OTOGL: variants seen among roughly 807,000 people sequenced by gnomAD.
OTOGL encodes otogelin-like protein.
A neutral mutation model predicts 318.5 loss-of-function variants in OTOGL; 285 were observed. The ratio of observed to expected loss-of-function variants is 0.89; its 90% CI spans 0.81 to 0.99. OTOGL has a LOEUF of 0.99. Among genes scored for constraint, OTOGL ranks in the 50% least tolerant of loss-of-function variants. The pLI, the probability that OTOGL is intolerant of heterozygous loss-of-function variation, is 0.00. For missense variants in OTOGL, 2,899 were observed against 2,845.6 expected (o/e 1.02, Z -0.43); for synonymous variants, 987 against 936.5 (o/e 1.05, Z -0.99).
intron 7 of OTOGL, among the ~76,000 whole-genome samples, chr12:80,227,934 C>T (rs142675417): frequency 2.6e-5 from 4 of 152,102 alleles, no homozygotes; most frequent in Non-Finnish European, 5.9e-5. Flanking sequence ...TATCATTTAA[C>T]ATAGTATATA....
intron 23 of OTOGL, among the ~76,000 whole-genome samples, chr12:80,270,957 G>C (rs141892748): frequency 6.6e-6 from 1 of 152,034 alleles, no homozygotes; most frequent in South Asian, 2.1e-4. Flanking sequence ...TATTTGAATG[G>C]CCTGGTATAT....
chr12:80,353,035 T>C (rs1889650660), intron 45 of OTOGL, among the ~76,000 whole-genome samples: 1 of 152,252 alleles, frequency 6.6e-6, no homozygotes, highest in Non-Finnish European at 1.5e-5. Flanking sequence ...AGACTTGGGC[T>C]GCCTGTTGGT....
chr12:80,328,558 A>C (rs1947755753), intron 35 of OTOGL, 107 bp from the exon 36 acceptor site: 1 of 836,308 alleles, frequency 1.2e-6, no homozygotes, highest in Admixed American at 2.5e-5. Flanking sequence ...GGTATATAGA[A>C]GCATTTTAGG....
chr12:80,184,424 G>T (rs1875142677), intron 1 of OTOGL, among the ~76,000 whole-genome samples: 1 of 152,174 alleles, frequency 6.6e-6, no homozygotes, highest in Non-Finnish European at 1.5e-5. Flanking sequence ...GATAGTAAAA[G>T]ACGTATTTTT....
intron 1 of OTOGL, among the ~76,000 whole-genome samples, chr12:80,151,699 C>G (rs569901640): frequency 7.9e-5 from 12 of 152,196 alleles, no homozygotes; most frequent in African/African-American, 2.6e-4. Flanking sequence ...TACTCTAGAA[C>G]AGAGGGAATG....
chr12:80,345,227 T>TA (rs1555301374), intron 44 of OTOGL, among the ~76,000 whole-genome samples: 12 of 137,888 alleles, frequency 8.7e-5, no homozygotes, highest in Admixed American at 7.8e-5. Context: ...TATATATATA[T>TA]TATATATATA....
In OTOGL at chr12:80,313,507, A is replaced by C; in HGVS notation, c.3482A>C (p.His1161Pro). 6.2e-7 allele frequency: 1 copy of C among 1,612,412 alleles called. No individual in the cohort carries two copies. The highest frequency in any genetic ancestry group is 8.5e-7 in the Non-Finnish European group (1 of 1,178,658). The part of the protein sequence containing the change: ...IDVTSFAKNC[H>P]EDTCNCNLGG... ...GTTACTTCTTTTGCCAAAAATTGTC[A>C]TGAAGATACATGTAACTGCAATCTT... Residue 1161 changes from histidine (H) to proline (P), a missense_variant, in exon 31 of 59, where the codon CAT (histidine) becomes CCT (proline). This residue lies in a region of OTOGL where 2,607 missense variants were observed against 2,524.9 expected (regional missense o/e 1.03). Coordinates refer to ENST00000547103, the MANE Select transcript of OTOGL (RefSeq NM_001378609.3).
At chr12:80,159,920 G>A (rs983922292) in intron 1 of OTOGL, among the ~76,000 whole-genome samples, 3 of 152,080 alleles carry the variant, frequency 2.0e-5, no homozygotes, top group Admixed American at 2.0e-4. Context: ...CAATGGAATA[G>A]AATAGAGAAC....
At chr12:80,175,356 C>T (rs967183034) in intron 1 of OTOGL, among the ~76,000 whole-genome samples, 2 of 152,066 alleles carry the variant, frequency 1.3e-5, no homozygotes, top group East Asian at 1.9e-4. Context: ...TAAGATGACT[C>T]GAAATTACAT....
chr12:80,252,798 A>C (rs1473345922), intron 13 of OTOGL, among the ~76,000 whole-genome samples: 1 of 152,176 alleles, frequency 6.6e-6, no homozygotes, highest in Non-Finnish European at 1.5e-5. Flanking sequence ...GCCTCTGCTC[A>C]TTGTTCTGTT....
intron 1 of OTOGL, among the ~76,000 whole-genome samples, chr12:80,113,451 G>C (rs1174692594): frequency 2.6e-5 from 4 of 152,058 alleles, no homozygotes; most frequent in Non-Finnish European, 5.9e-5. Flanking sequence ...GGTACGTTGT[G>C]TCTTTTTTCT....
chr12:80,370,654 GT>G lies in OTOGL; in HGVS notation c.6701del (p.Val2234AlafsTer12). 6.3e-7 allele frequency: 1 copy of G among 1,593,312 alleles called. No individual in the cohort carries two copies. ...EGAIILNYTM[V>X]CPPFNETECK... ...AGCAATAATTCTGAACTACACAATG[GT>G]CTGTCCCCCTTTTAATGAGACTGAA... On this transcript the variant is annotated frameshift_variant, in exon 56 of 59. Transcript: ENST00000547103. LOFTEE classifies it high-confidence loss of function.
intron 1 of OTOGL, among the ~76,000 whole-genome samples, chr12:80,135,699 A>G (rs1381029303): frequency 6.6e-6 from 1 of 152,228 alleles, no homozygotes; most frequent in Non-Finnish European, 1.5e-5. Context: ...TGACTAGGCC[A>G]TGGGATATCT....
intron 18 of OTOGL, among the ~76,000 whole-genome samples, chr12:80,258,976 A>G (rs1364217814): frequency 1.3e-5 from 2 of 152,112 alleles, no homozygotes; most frequent in East Asian, 1.9e-4. Context: ...TCTCACAGCA[A>G]AAAATAAGAA....
rs1381817006 is a variant in OTOGL, at chr12:80,352,347, G to A, written c.5318G>A (p.Trp1773Ter). 5 of 1,612,120 alleles carry A rather than the reference G, an allele frequency of 3.1e-6. No individual in the cohort carries two copies. The highest frequency in any genetic ancestry group is 1.7e-4 in the Middle Eastern group (1 of 6,050). The change falls in exon 45 of 59, where the codon TGG (tryptophan) becomes TAG (stop). Residue 1773 changes from tryptophan to a stop codon, truncating the protein, a stop_gained. Transcript: ENST00000547103. LOFTEE classifies it high-confidence loss of function. ...ATGTGGATCAATTATACCTATTTTT[G>A]GAACTATGAATGTGATGCACTTTCT... ...EKMWINYTYF[W>*]NYECDALSAY...
chr12:80,370,960 A>C (rs1299005061), intron 56 of OTOGL: 2 of 188,272 alleles, frequency 1.1e-5, no homozygotes, highest in South Asian at 1.8e-4. Context: ...TTTGGTCAGC[A>C]GACTTGGCCT....
At chr12:80,349,627 C>T (rs999046748) in intron 44 of OTOGL, among the ~76,000 whole-genome samples, 16 of 151,840 alleles carry the variant, frequency 1.1e-4, no homozygotes, top group African/African-American at 2.7e-4. Flanking sequence ...TGAGAGATCG[C>T]GGAGGGTTTA....
intron 44 of OTOGL, among the ~76,000 whole-genome samples, chr12:80,348,681 G>A (rs970396857): frequency 2.0e-5 from 3 of 152,094 alleles, no homozygotes; most frequent in Admixed American, 6.6e-5. Context: ...GGCTGTCAAT[G>A]TCCTCTATAA....
At chr12:80,114,300 C>T (rs1431496304) in intron 1 of OTOGL, among the ~76,000 whole-genome samples, 2 of 152,106 alleles carry the variant, frequency 1.3e-5, no homozygotes, top group Non-Finnish European at 2.9e-5. Flanking sequence ...TCTTGTTAGG[C>T]AGGTCTGGTG....
Sources: gnomAD v4.1 joint callset for allele counts (sites outside exome capture counted in the v4.1 genomes callset) on GRCh38, gnomAD v4.1.1 for gene constraint, gnomAD v4.1.1 regional missense constraint, MANE v1.5 for transcripts, NCBI Gene and HGNC (gene_info 2026-07-23, HGNC 2026-07-21) for gene names.